RASGRF2: variants seen among roughly 807,000 people sequenced by gnomAD.
RASGRF2 encodes the protein ras-specific guanine nucleotide-releasing factor 2.
RASGRF2 carries 76 observed loss-of-function variants against 151.0 expected under a neutral mutation model. The observed-to-expected ratio is 0.50, with a 90% CI of 0.42 to 0.61. RASGRF2 has a LOEUF of 0.61. RASGRF2 is among the 20% of genes least tolerant of loss of function. The pLI, the probability that RASGRF2 is intolerant of heterozygous loss-of-function variation, is 0.00. For missense variants in RASGRF2, 1,148 were observed against 1,564.6 expected, an observed-to-expected ratio of 0.73 and a Z score of 4.49; for synonymous variants, 504 against 566.5, an observed-to-expected ratio of 0.89 and a Z score of 1.57.
chr5:81,188,219 G>A (rs1178047342), intron 18 of RASGRF2, among the ~76,000 whole-genome samples: 2 of 152,148 alleles, frequency 1.3e-5, no homozygotes, highest in Non-Finnish European at 2.9e-5. Context: ...CTTAAAGAGC[G>A]GATCTTCTCT....
At position 81,102,670 on chromosome 5, in the gene RASGRF2, C is replaced by T. The variant is rs190214263; in HGVS notation, c.1756-6326C>T. ...AGATCATGCCACTGCATTCCAGCCT[C>T]GGCGACAGAGTGAGACTCTGTCTCC... On this transcript the variant is annotated intron_variant, in intron 12 of 26. Coordinates refer to ENST00000265080, the MANE Select transcript of RASGRF2 (RefSeq NM_006909.3). 6.0e-4 allele frequency among the ~76,000 whole-genome samples: 89 copies of T among 147,786 alleles called. No individual in the cohort carries two copies. The East Asian group carries it at 0.01, about 17-fold the overall frequency.
At chr5:81,160,626 C>T (rs575839610) in intron 17 of RASGRF2, among the ~76,000 whole-genome samples, 19 of 150,642 alleles carry the variant, frequency 1.3e-4, no homozygotes, top group South Asian at 2.1e-4. Context: ...GAGCCAAGAT[C>T]GCGCCACTGC....
chr5:81,202,493 T>C (rs1755419926), intron 19 of RASGRF2, among the ~76,000 whole-genome samples: 2 of 152,230 alleles, frequency 1.3e-5, no homozygotes, highest in African/African-American at 4.8e-5. Context: ...GCAACTGGCC[T>C]GTAAGTCTTT....
In RASGRF2 at chr5:81,080,773, C is replaced by T; in HGVS notation, c.1145C>T (p.Thr382Ile). 6.2e-7 allele frequency: 1 copy of T among 1,613,426 alleles called. No individual in the cohort carries two copies. The highest frequency in any genetic ancestry group is 8.5e-7 in the Non-Finnish European group (1 of 1,179,698). Residue 382 changes from threonine to isoleucine, a missense_variant, in exon 7 of 27, where the codon ACC (threonine) becomes ATC (isoleucine). This residue lies in a region of RASGRF2 where 176 missense variants were observed against 309.6 expected (regional missense o/e 0.57). Transcript: ENST00000265080. ...GGGAGGATGCTGGAGACATTCTTGA[C>T]CTATCCCATGTTTCAGGTAAGTCAC... is the stretch of plus-strand genomic sequence containing the variant. Reference protein sequence around the residue: ...CEGRMLETFLTYPMFQIPRYI... With the variant: ...CEGRMLETFLIYPMFQIPRYI...
intron 1 of RASGRF2, among the ~76,000 whole-genome samples, chr5:81,005,342 G>A (rs967943595): frequency 5.3e-5 from 8 of 152,046 alleles, no homozygotes; most frequent in African/African-American, 1.9e-4. Flanking sequence ...AGCGAAGGTG[G>A]GGAAAAGCCC....
chr5:81,087,215 C>T (rs560336343), intron 9 of RASGRF2: 15 of 702,992 alleles, frequency 2.1e-5, no homozygotes, highest in Admixed American at 1.8e-4. Context: ...CTCAGCGGCC[C>T]GGACATTCTC....
At chr5:81,021,461 T>C (rs181074588) in intron 1 of RASGRF2, among the ~76,000 whole-genome samples, 22 of 152,276 alleles carry the variant, frequency 1.4e-4, no homozygotes, top group Admixed American at 1.4e-3. Flanking sequence ...ACTCTAATAA[T>C]ATAAAAGGCC....
chr5:81,164,700 G>A (rs1037948389), intron 17 of RASGRF2, among the ~76,000 whole-genome samples: 13 of 152,148 alleles, frequency 8.5e-5, no homozygotes, highest in Non-Finnish European at 1.6e-4. Context: ...ATTTAGGGGT[G>A]GAATTCTTGG....
chr5:81,179,587 G>A (rs146325347), intron 17 of RASGRF2, among the ~76,000 whole-genome samples: 9 of 152,272 alleles, frequency 5.9e-5, no homozygotes, highest in African/African-American at 9.6e-5. Flanking sequence ...TGATCAAACC[G>A]AACTAACAGA....
At chr5:81,075,493 C>A (rs1056433095) in intron 5 of RASGRF2, among the ~76,000 whole-genome samples, 3 of 152,140 alleles carry the variant, frequency 2.0e-5, no homozygotes, top group African/African-American at 7.2e-5. Flanking sequence ...CTACCTGGAG[C>A]CTTCCCCCAT....
At chr5:81,091,386 T>C (rs1350694892) in intron 9 of RASGRF2, among the ~76,000 whole-genome samples, 1 of 152,108 alleles carries the variant, frequency 6.6e-6, no homozygotes, top group Non-Finnish European at 1.5e-5. Context: ...TGCCCATCCC[T>C]TCGTGGGAGT....
intron 1 of RASGRF2, among the ~76,000 whole-genome samples, chr5:81,012,588 T>A (rs1457421087): frequency 7.2e-5 from 11 of 152,146 alleles, no homozygotes; most frequent in Admixed American, 7.2e-4. Flanking sequence ...TGTCCAAGGT[T>A]ATGCCCTTCC....
chr5:81,043,037 G>T (rs1436364800), intron 2 of RASGRF2, 54 bp downstream of exon 2: 11 of 1,346,644 alleles, frequency 8.2e-6, no homozygotes, highest in Admixed American at 2.1e-5. Context: ...CTGCATTGGG[G>T]TTATCACTGT....
chr5:80,962,624 A>C (rs1365285047), intron 1 of RASGRF2, among the ~76,000 whole-genome samples: 1 of 145,986 alleles, frequency 6.8e-6, no homozygotes, highest in Non-Finnish European at 1.5e-5. Flanking sequence ...TTTTTTTTTC[A>C]GTTAGGGGTG....
chr5:81,072,009 AT>A (rs200103793), intron 4 of RASGRF2, among the ~76,000 whole-genome samples: 1,693 of 152,246 alleles, frequency 0.011, 30 homozygotes, highest in African/African-American at 0.038. Flanking sequence ...TTTCTTAATA[AT>A]TTTTTAAACC....
At chr5:81,198,520 A>C in intron 18 of RASGRF2, among the ~76,000 whole-genome samples, 1 of 152,128 alleles carries the variant, frequency 6.6e-6, no homozygotes, top group East Asian at 1.9e-4. Flanking sequence ...GCTCACGGCA[A>C]GCTCCGCCTG....
At chr5:81,198,305 C>T (rs992118541) in intron 18 of RASGRF2, among the ~76,000 whole-genome samples, 6 of 152,138 alleles carry the variant, frequency 3.9e-5, no homozygotes, top group South Asian at 2.1e-4. Flanking sequence ...TCCACTGTCG[C>T]CATCTTTATG....
chr5:81,101,212 TTAAC>T (rs1183807142), intron 12 of RASGRF2, among the ~76,000 whole-genome samples: 2 of 152,234 alleles, frequency 1.3e-5, no homozygotes, highest in African/African-American at 2.4e-5. Context: ...ATATTTCTTC[TTAAC>T]TAAGTGAACT....
At chr5:81,120,902 A>G (rs1334722268) in intron 15 of RASGRF2, among the ~76,000 whole-genome samples, 1 of 152,214 alleles carries the variant, frequency 6.6e-6, no homozygotes, top group Non-Finnish European at 1.5e-5. Context: ...CTCTGGGTAG[A>G]AAGTTTAGAA....
Sources: gnomAD v4.1 joint callset for allele counts (sites outside exome capture counted in the v4.1 genomes callset) on GRCh38, gnomAD v4.1.1 for gene constraint, gnomAD v4.1.1 regional missense constraint, MANE v1.5 for transcripts, NCBI Gene and HGNC (gene_info 2026-07-23, HGNC 2026-07-21) for gene names.